The following GALK2 variants were observed in gnomAD, a reference collection of about 807,000 sequenced individuals.
GALK2 encodes the protein galactokinase 2, also known as N-acetylgalactosamine kinase.
Under a neutral mutation model 52.4 loss-of-function variants are expected in GALK2, and 36 were observed. The observed-to-expected ratio is 0.69, with a 90% CI of 0.53 to 0.91. The LOEUF (loss-of-function observed/expected upper bound fraction) is 0.91, where lower values mean the gene tolerates loss of function less well. GALK2 is among the 40% of genes least tolerant of loss of function. The pLI is 0.00. For missense variants in GALK2, 579 were observed against 559.1 expected, an observed-to-expected ratio of 1.04 and a Z score of -0.36; for synonymous variants, 176 against 199.1, an observed-to-expected ratio of 0.88 and a Z score of 0.98.
At chr15:49,189,708 A>G (rs2086594794) in intron 1 of GALK2, among the ~76,000 whole-genome samples, 2 of 152,162 alleles carry the variant, frequency 1.3e-5, no homozygotes, top group African/African-American at 4.8e-5. Flanking sequence ...ATGACTACCA[A>G]GTGACTAGTG....
At chr15:49,165,404 A>G (rs2457228), upstream of GALK2, among the ~76,000 whole-genome samples, 72,926 of 151,938 alleles carry the variant, frequency 0.48, 18,111 homozygotes, top group African/African-American at 0.61. Flanking sequence ...CGCTAATCTG[A>G]TTTCATTAAT....
At chr15:49,341,885 A>G (rs1331928292) in intron 3 of GALK2, among the ~76,000 whole-genome samples, 1 of 152,030 alleles carries the variant, frequency 6.6e-6, no homozygotes, top group Admixed American at 6.5e-5. Context: ...ACCTATTTTT[A>G]TTCCAAGAGT....
chr15:49,285,284 G>T (rs543849794), intron 7 of GALK2, among the ~76,000 whole-genome samples: 6 of 152,174 alleles, frequency 3.9e-5, no homozygotes, highest in Admixed American at 1.3e-4. Flanking sequence ...TAGGTTTCCA[G>T]TATACTTCAC....
chr15:49,314,061 T>G (rs2036213055), intron 8 of GALK2, among the ~76,000 whole-genome samples: 1 of 152,188 alleles, frequency 6.6e-6, no homozygotes, highest in Admixed American at 6.5e-5. Flanking sequence ...TCAAAGGCTT[T>G]CCCTCACCAT....
intron 3 of GALK2, among the ~76,000 whole-genome samples, chr15:49,342,981 G>A (rs1379350544): frequency 6.6e-6 from 1 of 152,072 alleles, no homozygotes; most frequent in East Asian, 1.9e-4. Flanking sequence ...TGGAAAGTCT[G>A]GTGAGTATAT....
intron 5 of GALK2, among the ~76,000 whole-genome samples, chr15:49,256,871 C>T (rs17396536): frequency 0.15 from 22,983 of 152,094 alleles, 2,235 homozygotes; most frequent in Non-Finnish European, 0.21. Context: ...TGATTTAGAT[C>T]AGGCAGTATG....
intron 4 of GALK2, among the ~76,000 whole-genome samples, chr15:49,237,349 A>G (rs188282129): frequency 6.6e-6 from 1 of 152,376 alleles, no homozygotes; most frequent in Admixed American, 6.5e-5. Flanking sequence ...TACATTGAAC[A>G]TGTTATCCTT....
chr15:49,318,457 G>A (rs2036601162), intron 8 of GALK2, among the ~76,000 whole-genome samples: 1 of 151,896 alleles, frequency 6.6e-6, no homozygotes, highest in Admixed American at 6.6e-5. Flanking sequence ...TGTACATATA[G>A]TTTTGTAGGT....
In GALK2 at chr15:49,217,192, G is replaced by C; in HGVS notation, c.145G>C (p.Glu49Gln). The change falls in exon 3 of 10, where the codon GAG becomes CAG. Residue 49 changes from glutamate (E) to glutamine (Q), a missense_variant and splice_region_variant. Glu to Gln is a conservative substitution (Grantham distance 29, BLOSUM62 2). Transcript: ENST00000560031. ...AAAAAGCTTTCTCTTTTTTCTAGGA[G>C]AGCATATAGATTATTGTGGATATTC... Reference protein sequence around the residue: ...RAPGRVNIIGEHIDYCGYSVL... With the variant: ...RAPGRVNIIGQHIDYCGYSVL... The C allele has an allele frequency of 6.2e-7, 1 of 1,606,072 alleles. No homozygotes were observed.
chr15:49,162,686 C>T (rs2084693382), intron 1 of GALK2, among the ~76,000 whole-genome samples: 1 of 152,186 alleles, frequency 6.6e-6, no homozygotes, highest in Admixed American at 6.5e-5. Context: ...AGATGATCTC[C>T]TGTGCTGGCT....
intron 1 of GALK2, among the ~76,000 whole-genome samples, chr15:49,175,364 T>C (rs1294156969): frequency 1.3e-5 from 2 of 152,184 alleles, no homozygotes; most frequent in African/African-American, 4.8e-5. Flanking sequence ...CAATAGCTGC[T>C]ATTGCTAGGG....
chr15:49,188,186 G>A (rs1057023721), intron 1 of GALK2, among the ~76,000 whole-genome samples: 2 of 152,314 alleles, frequency 1.3e-5, no homozygotes, highest in African/African-American at 2.4e-5. Context: ...TCCAGGATGT[G>A]TAGAAATGTT....
At chr15:49,183,872 T>G (rs2086156577) in intron 1 of GALK2, among the ~76,000 whole-genome samples, 1 of 151,900 alleles carries the variant, frequency 6.6e-6, no homozygotes, top group African/African-American at 2.4e-5. Context: ...AAGGACTAGT[T>G]TTGTGGCCTA....
chr15:49,267,914 A>G (rs1164722973), intron 5 of GALK2, among the ~76,000 whole-genome samples: 1 of 152,198 alleles, frequency 6.6e-6, no homozygotes, highest in African/African-American at 2.4e-5. Context: ...TAAAACTCTG[A>G]ATGAAGCAAA....
Position 49,306,146 on chromosome 15 carries a change from C to A in GALK2, c.968-13458C>A, listed in dbSNP as rs530992418. On this transcript the variant is annotated intron_variant, in intron 8 of 9. Coordinates refer to ENST00000560031, the MANE Select transcript of GALK2 (RefSeq NM_002044.4). ...AGAGCTCCCTCACTTTCAGTCACCC[C>A]AGGTCACTCTTCCTGTTCTGCTCCA... Among the ~76,000 whole-genome samples, 4 of 152,006 alleles carry A rather than the reference C, an allele frequency of 2.6e-5. No homozygotes were observed. The South Asian group carries it at 6.2e-4, about 24-fold the overall frequency.
intron 9 of GALK2, chr15:49,326,936 T>A (rs2037605678): frequency 6.6e-6 from 1 of 152,134 alleles, no homozygotes; most frequent in African/African-American, 2.4e-5. Context: ...AATATCTCAT[T>A]TAGATTGAAA....
At chr15:49,262,315 G>T (rs1164823668) in intron 5 of GALK2, among the ~76,000 whole-genome samples, 3 of 152,160 alleles carry the variant, frequency 2.0e-5, no homozygotes, top group African/African-American at 7.2e-5. Flanking sequence ...ATGTGTCGAG[G>T]AATTTATCCA....
At chr15:49,300,814 G>A (rs1157568285) in intron 8 of GALK2, among the ~76,000 whole-genome samples, 3 of 152,164 alleles carry the variant, frequency 2.0e-5, no homozygotes, top group Admixed American at 2.0e-4. Flanking sequence ...CCCCAGCCAT[G>A]CTGAACTTTG....
Position 49,316,452 on chromosome 15 carries a change from T to TG in GALK2, c.968-3147dup, listed in dbSNP as rs2036416121. Among the ~76,000 whole-genome samples the TG allele has an allele frequency of 3.7e-5, 3 of 80,592 alleles. No homozygotes were observed. The Admixed American group carries it at 5.3e-4, about 14-fold the overall frequency. The allele number at this position is 80,592 out of a possible 152,430, so 52.9% of individuals were successfully genotyped here. On this transcript the variant is annotated intron_variant, in intron 8 of 9. Coordinates refer to ENST00000560031, the MANE Select transcript of GALK2 (RefSeq NM_002044.4). ...GACACAGGGAGGGGAACATCACACA[T>TG]GGGGGCCTGTAGTGGGGTGGGGGTA...
Sources: gnomAD v4.1 joint callset for allele counts (sites outside exome capture counted in the v4.1 genomes callset) on GRCh38, gnomAD v4.1.1 for gene constraint, MANE v1.5 for transcripts, NCBI Gene and HGNC (gene_info 2026-07-23, HGNC 2026-07-21) for gene names.